Variants in MMS22L observed in about 807,000 individuals in gnomAD.
MMS22L encodes protein MMS22-like.
MMS22L carries 74 observed loss-of-function variants against 159.1 expected under a neutral mutation model. The ratio of observed to expected loss-of-function variants is 0.47; its 90% CI spans 0.39 to 0.56. The LOEUF is 0.56. MMS22L is among the 20% of genes least tolerant of loss of function. The probability of loss-of-function intolerance (pLI) is 0.00; values close to 1 mark genes in which losing one functional copy is unlikely to be tolerated. For synonymous variants in MMS22L, 517 were observed against 506.9 expected (o/e 1.02, Z -0.27); for missense variants, 1,351 against 1,422.1 (o/e 0.95, Z 0.80).
At chr6:97,156,369 GT>G (rs1801845604) in intron 22 of MMS22L, among the ~76,000 whole-genome samples, 2 of 152,152 alleles carry the variant, frequency 1.3e-5, no homozygotes, top group South Asian at 2.1e-4. Context: ...TGCTTTTGGT[GT>G]TTTAGTCATG....
chr6:97,155,377 A>G (rs142100966), intron 22 of MMS22L, among the ~76,000 whole-genome samples: 5 of 152,162 alleles, frequency 3.3e-5, no homozygotes, highest in African/African-American at 4.8e-5. Context: ...GGTTTGTTAC[A>G]TATGTATACA....
rs1800935277 is a variant in MMS22L, at chr6:97,146,603, G to A, written c.*203C>T. 2.8e-6 allele frequency: 1 copy of A among 352,402 alleles called. No homozygotes were observed. Among genetic ancestry groups the A allele is most frequent in the Non-Finnish European group, 5.2e-6 (1 of 192,678 alleles). 21.8% of individuals were successfully genotyped at this position (352,402 alleles called of 1,614,324 possible). A position where few individuals can be genotyped will look rare whatever the true frequency, so the allele number is the denominator to read the frequency against. On this transcript the variant is annotated 3_prime_UTR_variant, in exon 25 of 25. Coordinates refer to ENST00000683635, the MANE Select transcript of MMS22L (RefSeq NM_001350599.2). The stretch of plus-strand genomic sequence containing the variant: ...AAGGTAGAATGCAGTTTTGTAAAAA[G>A]TTCCAAGGATCCTATTACACAGTTG...
At chr6:97,255,996 C>T (rs1305034327) in intron 9 of MMS22L, among the ~76,000 whole-genome samples, 1 of 151,938 alleles carries the variant, frequency 6.6e-6, no homozygotes, top group Non-Finnish European at 1.5e-5. Flanking sequence ...TAGAATATAT[C>T]CTGACAATAT....
intron 14 of MMS22L, among the ~76,000 whole-genome samples, chr6:97,188,992 A>T (rs998203964): frequency 1.3e-5 from 2 of 151,494 alleles, no homozygotes; most frequent in Non-Finnish European, 2.9e-5. Flanking sequence ...AATAATAAAT[A>T]AAATAAAGGA....
Position 97,160,889 on chromosome 6 carries a change from T to A in MMS22L, c.3385+1113A>T, listed in dbSNP as rs1168287382. Among the ~76,000 whole-genome samples, 4 of 152,014 alleles carry A rather than the reference T, an allele frequency of 2.6e-5. No homozygotes were observed. In the East Asian group the frequency reaches 7.7e-4, roughly 29 times the overall value. ...CAGTTCTAATCCACTAATGGGCCCC[T>A]CTGGTGAAATTTTCAACTCAGCAAA... On this transcript the variant is annotated intron_variant, in intron 22 of 24. Coordinates refer to ENST00000683635, the MANE Select transcript of MMS22L (RefSeq NM_001350599.2).
chr6:97,267,290 T>C (rs1031260391), intron 8 of MMS22L: 3 of 152,092 alleles, frequency 2.0e-5, no homozygotes, highest in African/African-American at 7.2e-5. Flanking sequence ...GCTTGTAATC[T>C]AAAATAACAG....
intron 14 of MMS22L, among the ~76,000 whole-genome samples, chr6:97,209,051 G>C (rs1191655366): frequency 6.6e-6 from 1 of 151,730 alleles, no homozygotes; most frequent in African/African-American, 2.4e-5. Context: ...CCTTATCACA[G>C]GTATAAATCC....
intron 4 of MMS22L, among the ~76,000 whole-genome samples, chr6:97,275,484 G>A (rs1378085126): frequency 6.6e-6 from 1 of 152,176 alleles, no homozygotes; most frequent in Non-Finnish European, 1.5e-5. Context: ...CCGAGATGGC[G>A]CCACTGCACT....
chr6:97,150,142 A>T (rs1307249176), intron 23 of MMS22L, 122 bp from the exon 24 acceptor site: 1 of 671,798 alleles, frequency 1.5e-6, no homozygotes, highest in East Asian at 3.0e-5. Context: ...TTACTGTAAG[A>T]ATCTGGATGC....
chr6:97,151,411 T>C (rs1453025202), intron 23 of MMS22L, among the ~76,000 whole-genome samples: 1 of 152,186 alleles, frequency 6.6e-6, no homozygotes, highest in African/African-American at 2.4e-5. Flanking sequence ...GAGTGGGCTA[T>C]AGCACCTAGG....
At position 97,282,430 on chromosome 6, in the gene MMS22L, C is replaced by T; in HGVS notation, c.48G>A (p.Glu16=). The T allele has an allele frequency of 6.2e-7, 1 of 1,614,110 alleles. No homozygotes were observed. Among genetic ancestry groups the T allele is most frequent in the South Asian group, 1.1e-5 (1 of 91,080 alleles). Residue 16 remains glutamate, a synonymous_variant, in exon 2 of 25, where the codon GAG becomes GAA. Coordinates refer to ENST00000683635, the MANE Select transcript of MMS22L (RefSeq NM_001350599.2). ...AASTFLTDSL[E]LELGTEWCKP... is the part of the protein sequence containing the mutation. ...TGCACCATTCCGTCCCCAGCTCCAGCTCTAAGCTGTCAGTCAGGAACGTCG... is the reference window on the plus strand; with the variant it reads ...TGCACCATTCCGTCCCCAGCTCCAGTTCTAAGCTGTCAGTCAGGAACGTCG...
intron 18 of MMS22L, among the ~76,000 whole-genome samples, chr6:97,173,935 C>A (rs1035500446): frequency 6.6e-6 from 1 of 151,974 alleles, no homozygotes; most frequent in East Asian, 1.9e-4. Context: ...CAAGAGAAGA[C>A]TGGCTAAGAG....
intron 14 of MMS22L, among the ~76,000 whole-genome samples, chr6:97,202,029 T>C (rs1025913581): frequency 6.6e-6 from 1 of 152,202 alleles, no homozygotes; most frequent in African/African-American, 2.4e-5. Context: ...AGGACACATG[T>C]TCACTGCCAA....
chr6:97,190,873 A>G (rs1031363572), intron 14 of MMS22L, among the ~76,000 whole-genome samples: 1 of 152,204 alleles, frequency 6.6e-6, no homozygotes, highest in Admixed American at 6.5e-5. Flanking sequence ...ACCACAGGAA[A>G]TAACATTCTG....
At chr6:97,235,632 C>T (rs932162860) in intron 11 of MMS22L, among the ~76,000 whole-genome samples, 1 of 152,138 alleles carries the variant, frequency 6.6e-6, no homozygotes, top group Non-Finnish European at 1.5e-5. Context: ...GAAATAAGAA[C>T]CCTTGGAAGA....
At chr6:97,214,689 T>G (rs1808785784) in intron 14 of MMS22L, among the ~76,000 whole-genome samples, 1 of 150,062 alleles carries the variant, frequency 6.7e-6, no homozygotes, top group African/African-American at 2.4e-5. Context: ...TTTTTTGTTT[T>G]TTTTTTTTTT....
At chr6:97,273,932 A>AGAAT (rs960343602) in intron 4 of MMS22L, among the ~76,000 whole-genome samples, 14 of 152,354 alleles carry the variant, frequency 9.2e-5, no homozygotes, top group African/African-American at 2.4e-4. Flanking sequence ...AACTCTTGAA[A>AGAAT]GAATACCTAT....
At chr6:97,212,172 T>C (rs767485270) in intron 14 of MMS22L, among the ~76,000 whole-genome samples, 2 of 152,210 alleles carry the variant, frequency 1.3e-5, no homozygotes. Context: ...TCTGATTTTA[T>C]GCATCTCTAC....
At chr6:97,262,188 A>T (rs2128073951) in intron 9 of MMS22L, among the ~76,000 whole-genome samples, 1 of 152,322 alleles carries the variant, frequency 6.6e-6, no homozygotes, top group Admixed American at 6.5e-5. Context: ...CCTGAAAGCC[A>T]AAGTTCAAAT....
Sources: gnomAD v4.1 joint callset for allele counts (sites outside exome capture counted in the v4.1 genomes callset) on GRCh38, gnomAD v4.1.1 for gene constraint, MANE v1.5 for transcripts, NCBI Gene and HGNC (gene_info 2026-07-23, HGNC 2026-07-21) for gene names.